Variants in B3GALT1 observed in about 807,000 individuals in gnomAD.
B3GALT1 encodes the protein UDP-Gal:betaGlcNAc beta 1,3-galactosyltransferase, polypeptide 1.
In B3GALT1, 10 loss-of-function variants were observed where a neutral mutation model predicts 23.2. The observed-to-expected ratio is 0.43, with a 90% CI of 0.27 to 0.73. B3GALT1 has a LOEUF of 0.73. Ranked by LOEUF, B3GALT1 falls within the 30% of genes least tolerant of loss-of-function variation. The pLI is 0.21. For missense variants in B3GALT1, 299 were observed against 405.4 expected (o/e 0.74, Z 2.25); for synonymous variants, 156 against 141.5 (o/e 1.10, Z -0.73).
chr2:167,645,579 T>TTTTAA (rs869076715), intron 2 of B3GALT1, among the ~76,000 whole-genome samples: 1 of 121,106 alleles, frequency 8.3e-6, no homozygotes, highest in African/African-American at 3.3e-5. Context: ...TTTTTTTTTT[T>TTTTAA]GAGATGGAGT....
intron 3 of B3GALT1, among the ~76,000 whole-genome samples, chr2:167,669,605 T>A (rs1159774493): frequency 2.0e-5 from 3 of 152,154 alleles, no homozygotes; most frequent in Non-Finnish European, 4.4e-5. Context: ...TTAATCAAAT[T>A]GAGGAAAAAG....
At chr2:167,775,239 A>G (rs1173673485) in intron 3 of B3GALT1, among the ~76,000 whole-genome samples, 1 of 152,226 alleles carries the variant, frequency 6.6e-6, no homozygotes, top group Non-Finnish European at 1.5e-5. Context: ...CATCCAAATG[A>G]TGGCATATAT....
rs531991569 is a variant in B3GALT1 at position 167,686,517 on chromosome 2, C to T, written c.-352+39551C>T. On this transcript the variant is annotated intron_variant, in intron 3 of 4. Transcript: ENST00000392690. ...CCATTTTAAGCATCTACTGTAAGTT[C>T]TCAAGTTCAAACCAATTCCTTCTCC... Among the ~76,000 whole-genome samples, 6 of 152,254 alleles carry T rather than the reference C, an allele frequency of 3.9e-5. No homozygotes were observed. The South Asian group carries it at 6.2e-4, about 16-fold the overall frequency.
intron 3 of B3GALT1, chr2:167,713,674 T>G: frequency 7.0e-7 from 1 of 1,422,780 alleles, no homozygotes; most frequent in East Asian, 2.3e-5. Flanking sequence ...TTGCTGTGGT[T>G]CTGGATGTTC....
intron 3 of B3GALT1, among the ~76,000 whole-genome samples, chr2:167,700,111 G>A (rs183216216): frequency 7.0e-4 from 107 of 152,190 alleles, no homozygotes; most frequent in African/African-American, 2.3e-3. Context: ...TTATCCAGGC[G>A]CAATGGTACA....
chr2:167,686,434 T>C (rs561309746), intron 3 of B3GALT1, among the ~76,000 whole-genome samples: 31 of 152,346 alleles, frequency 2.0e-4, no homozygotes, highest in Admixed American at 1.9e-3. Context: ...TGATTAGCCA[T>C]TAGAGGAATC....
intron 1 of B3GALT1, among the ~76,000 whole-genome samples, chr2:167,327,372 T>G: frequency 6.6e-6 from 1 of 152,284 alleles, no homozygotes; most frequent in Middle Eastern, 3.4e-3. Flanking sequence ...ATGTGAATTC[T>G]TCTGATCCAT....
chr2:167,425,719 A>G (rs1421866191), intron 1 of B3GALT1, among the ~76,000 whole-genome samples: 1 of 152,140 alleles, frequency 6.6e-6, no homozygotes, highest in Admixed American at 6.5e-5. Context: ...TCATTTATGC[A>G]CACAAATATA....
intron 3 of B3GALT1, among the ~76,000 whole-genome samples, chr2:167,740,570 A>T (rs1246260343): frequency 6.6e-6 from 1 of 152,216 alleles, no homozygotes. Context: ...TACTTGGCAA[A>T]TGCATTATAG....
chr2:167,587,755 C>A (rs975588335), intron 2 of B3GALT1, among the ~76,000 whole-genome samples: 5 of 152,212 alleles, frequency 3.3e-5, no homozygotes, highest in African/African-American at 1.2e-4. Flanking sequence ...GGCCTGAATT[C>A]TTGCAACTGG....
chr2:167,426,840 A>G (rs1234823540), intron 1 of B3GALT1, among the ~76,000 whole-genome samples: 1 of 152,210 alleles, frequency 6.6e-6, no homozygotes, highest in Admixed American at 6.5e-5. Context: ...AGATGCACAT[A>G]CCCTGTAACC....
intron 3 of B3GALT1, among the ~76,000 whole-genome samples, chr2:167,769,191 A>G (rs1688029401): frequency 6.6e-6 from 1 of 152,174 alleles, no homozygotes; most frequent in Non-Finnish European, 1.5e-5. Flanking sequence ...GCTGTGGCAG[A>G]GAAGCCTCTG....
At chr2:167,299,525 G>C (rs891947042) in intron 1 of B3GALT1, among the ~76,000 whole-genome samples, 2 of 152,114 alleles carry the variant, frequency 1.3e-5, no homozygotes. Flanking sequence ...TGAGGAATTA[G>C]ATGAAAAATA....
At chr2:167,735,852 G>C (rs1274130808) in intron 3 of B3GALT1, among the ~76,000 whole-genome samples, 1 of 152,164 alleles carries the variant, frequency 6.6e-6, no homozygotes, top group Non-Finnish European at 1.5e-5. Flanking sequence ...TGGTCACCTA[G>C]TAAGTGGTAG....
chr2:167,616,786 C>T (rs1469257735), intron 2 of B3GALT1, among the ~76,000 whole-genome samples: 2 of 151,996 alleles, frequency 1.3e-5, no homozygotes, highest in African/African-American at 4.8e-5. Context: ...TCCCTGTAAA[C>T]TTTCTTGTAT....
At chr2:167,841,666 A>T (rs1187800483) in intron 4 of B3GALT1, among the ~76,000 whole-genome samples, 2 of 152,236 alleles carry the variant, frequency 1.3e-5, no homozygotes, top group Non-Finnish European at 2.9e-5. Context: ...AGTAAGGAGC[A>T]CGTTCCAGGC....
intron 4 of B3GALT1, among the ~76,000 whole-genome samples, chr2:167,865,751 C>T (rs1690202136): frequency 1.3e-5 from 2 of 152,032 alleles, no homozygotes; most frequent in South Asian, 4.2e-4. Flanking sequence ...GAGATTGCAC[C>T]ACTGCACTCC....
chr2:167,654,420 G>A (rs940787207), intron 3 of B3GALT1, among the ~76,000 whole-genome samples: 1 of 152,114 alleles, frequency 6.6e-6, no homozygotes, highest in Admixed American at 6.5e-5. Flanking sequence ...AGTGGGAAGG[G>A]GGAGCTAAAA....
rs1690060616 is a variant in B3GALT1 at position 167,859,583 on chromosome 2, A to C, written c.-229-9228A>C. On this transcript the variant is annotated intron_variant, in intron 4 of 4. Transcript: ENST00000392690. ...GGGATTTATAAAGACCTTTTCAATAAATGTCAAGGTATATTAAACTAAAAA... is the reference window on the plus strand; with the variant it reads ...GGGATTTATAAAGACCTTTTCAATACATGTCAAGGTATATTAAACTAAAAA... Among the ~76,000 whole-genome samples, 3 of 151,572 alleles carry C rather than the reference A, an allele frequency of 2.0e-5. No homozygotes were observed. The South Asian group carries it at 6.3e-4, about 32-fold the overall frequency.
Sources: gnomAD v4.1 joint callset for allele counts (sites outside exome capture counted in the v4.1 genomes callset) on GRCh38, gnomAD v4.1.1 for gene constraint, MANE v1.5 for transcripts, NCBI Gene and HGNC (gene_info 2026-07-23, HGNC 2026-07-21) for gene names.